CNTNAP2: variants seen among roughly 807,000 people sequenced by gnomAD.
CNTNAP2 encodes the protein contactin-associated protein-like 2.
A neutral mutation model predicts 155.2 loss-of-function variants in CNTNAP2; 98 were observed. That is an observed-to-expected ratio of 0.63 (90% CI 0.54 to 0.75). CNTNAP2 has a LOEUF of 0.75. Among genes scored for constraint, CNTNAP2 ranks in the 30% least tolerant of loss-of-function variants. The pLI is 0.00. For missense variants in CNTNAP2, 1,727 were observed against 1,688.1 expected (o/e 1.02, Z -0.40); for synonymous variants, 651 against 631.2 (o/e 1.03, Z -0.47).
In CNTNAP2 at chr7:147,395,650, C is replaced by T. The variant is rs1395023503; in HGVS notation, c.1540C>T (p.Gln514Ter). The T allele has an allele frequency of 6.2e-7, 1 of 1,612,364 alleles. No homozygotes were observed. The highest frequency in any genetic ancestry group is 8.5e-7 in the Non-Finnish European group (1 of 1,178,776). The change falls in exon 10 of 24, where the codon CAG becomes TAG. Residue 514 changes from glutamine (Q) to a stop codon, truncating the protein, a stop_gained. Transcript: ENST00000361727. LOFTEE classifies it high-confidence loss of function. ...QMNNSSHSVL[Q>*]PSFQGCMQLI... ...GAATAACTCAAGTCACTCTGTCCTTCAGCCTTCATTCCAAGGATGCATGCA... is the reference window on the plus strand; with the variant it reads ...GAATAACTCAAGTCACTCTGTCCTTTAGCCTTCATTCCAAGGATGCATGCA...
chr7:147,608,067 C>T lies in CNTNAP2; in HGVS notation c.1898-31039C>T, dbSNP rs1476559274. 3.9e-5 allele frequency among the ~76,000 whole-genome samples: 6 copies of T among 152,162 alleles called. No individual in the cohort carries two copies. In the South Asian group the frequency reaches 8.3e-4, roughly 21 times the overall value. ...GCATAAAATTTGTTATTCATCTTCA[C>T]GTGCTTAAGGCCTAGAACAGTGCTT... On this transcript the variant is annotated intron_variant, in intron 12 of 23. Transcript: ENST00000361727.
chr7:148,167,020 A>G (rs1189299774), intron 17 of CNTNAP2, among the ~76,000 whole-genome samples: 1 of 152,232 alleles, frequency 6.6e-6, no homozygotes, highest in Non-Finnish European at 1.5e-5. Flanking sequence ...CATTTAAATA[A>G]ATCAGGGACT....
intron 1 of CNTNAP2, among the ~76,000 whole-genome samples, chr7:146,388,639 T>G (rs1201271201): frequency 2.6e-5 from 4 of 152,120 alleles, no homozygotes; most frequent in African/African-American, 9.7e-5. Context: ...TATTTAAAAA[T>G]GTACATTTAG....
At chr7:147,964,963 A>G (rs1801180143) in intron 14 of CNTNAP2, among the ~76,000 whole-genome samples, 2 of 152,224 alleles carry the variant, frequency 1.3e-5, no homozygotes, top group Non-Finnish European at 2.9e-5. Context: ...CCTCACTGTG[A>G]AATTATCTAG....
intron 13 of CNTNAP2, chr7:147,897,199 T>C (rs887602523): frequency 3.3e-5 from 5 of 152,232 alleles, no homozygotes; most frequent in Non-Finnish European, 7.3e-5. Context: ...TTACAAAGAA[T>C]ACTGGGCCAC....
chr7:147,918,675 AC>A (rs1458989564), intron 14 of CNTNAP2, among the ~76,000 whole-genome samples: 11 of 152,104 alleles, frequency 7.2e-5, no homozygotes, highest in Admixed American at 2.6e-4. Context: ...TTTCATCAGG[AC>A]TAGAGGAGGA....
At chr7:146,760,824 AATATAG>A (rs1563219798) in intron 1 of CNTNAP2, among the ~76,000 whole-genome samples, 1 of 152,122 alleles carries the variant, frequency 6.6e-6, no homozygotes, top group Non-Finnish European at 1.5e-5. Flanking sequence ...TTTCTTCTAA[AATATAG>A]ATATAACCAT....
At chr7:146,619,044 A>G (rs1249815606) in intron 1 of CNTNAP2, among the ~76,000 whole-genome samples, 1 of 151,780 alleles carries the variant, frequency 6.6e-6, no homozygotes, top group Non-Finnish European at 1.5e-5. Context: ...ATTGCACTCC[A>G]GCCTGGAGGA....
chr7:146,394,397 A>G (rs576100270), intron 1 of CNTNAP2, among the ~76,000 whole-genome samples: 72 of 152,252 alleles, frequency 4.7e-4, no homozygotes, highest in African/African-American at 1.7e-3. Flanking sequence ...GCAAGGAAGA[A>G]TCTCAGTCTA....
Position 147,380,607 on chromosome 7 carries a change from G to A in CNTNAP2, c.1499-15002G>A, listed in dbSNP as rs111316458. Among the ~76,000 whole-genome samples the A allele has an allele frequency of 1.8e-3, 280 of 152,078 alleles. 1 individual carries two copies. Among genetic ancestry groups the A allele is most frequent in the African/African-American group, 6.5e-3 (268 of 41,534 alleles). Reference sequence around the variant, plus strand: ...GCAGAAAAATGTTAAGGTGACAAAGGCAAGAGCCCACGCTACACAAAGCAT... The same window carrying A: ...GCAGAAAAATGTTAAGGTGACAAAGACAAGAGCCCACGCTACACAAAGCAT... On this transcript the variant is annotated intron_variant, in intron 9 of 23. Coordinates refer to ENST00000361727, the MANE Select transcript of CNTNAP2 (RefSeq NM_014141.6).
At chr7:147,851,334 C>T (rs1357677019) in intron 13 of CNTNAP2, among the ~76,000 whole-genome samples, 1 of 152,122 alleles carries the variant, frequency 6.6e-6, no homozygotes, top group Non-Finnish European at 1.5e-5. Context: ...GGACTGTAAA[C>T]TAATTCAACC....
In CNTNAP2 at chr7:147,677,070, ATT is replaced by A. The variant is rs35432022; in HGVS notation, c.2098+37776_2098+37777del. 4.6e-3 allele frequency among the ~76,000 whole-genome samples: 685 copies of A among 148,030 alleles called. 9 individuals carry two copies. Among genetic ancestry groups the A allele is most frequent in the African/African-American group, 0.014 (567 of 40,470 alleles). On this transcript the variant is annotated intron_variant, in intron 13 of 23. Transcript: ENST00000361727. ...ATCACTTAGGAGTTCTGTTTCATTA[ATT>A]TTTTTTTTTTTGAGGAACCTCCATA... is the stretch of plus-strand genomic sequence containing the variant.
At chr7:148,264,023 A>C (rs1423195057) in intron 20 of CNTNAP2, among the ~76,000 whole-genome samples, 1 of 152,178 alleles carries the variant, frequency 6.6e-6, no homozygotes, top group Non-Finnish European at 1.5e-5. Flanking sequence ...TCGCGACTTT[A>C]AAAGTTGCAT....
At chr7:148,133,072 T>G (rs1183284296) in intron 16 of CNTNAP2, among the ~76,000 whole-genome samples, 1 of 152,152 alleles carries the variant, frequency 6.6e-6, no homozygotes, top group Non-Finnish European at 1.5e-5. Context: ...GATAAGGTCA[T>G]AAGAGAGTTA....
chr7:147,566,600 A>G (rs149993949), intron 12 of CNTNAP2, among the ~76,000 whole-genome samples: 53 of 152,246 alleles, frequency 3.5e-4, no homozygotes, highest in Middle Eastern at 3.4e-3. Context: ...AGGAGAGAGC[A>G]TGTGAAGGCA....
intron 8 of CNTNAP2, among the ~76,000 whole-genome samples, chr7:147,174,776 G>T (rs1347196609): frequency 1.3e-5 from 2 of 152,008 alleles, no homozygotes; most frequent in Admixed American, 6.6e-5. Context: ...AATTAATATT[G>T]TATTTTTATT....
chr7:147,624,710 A>G (rs1365803685), intron 12 of CNTNAP2, among the ~76,000 whole-genome samples: 2 of 152,166 alleles, frequency 1.3e-5, no homozygotes, highest in Non-Finnish European at 1.5e-5. Flanking sequence ...TTCCTTGAGA[A>G]GCTGAAAATA....
Position 146,287,709 on chromosome 7 carries a change from A to C in CNTNAP2, c.97+170736A>C, listed in dbSNP as rs143836460. ...ATTATATTTAGATATATTTGAGCGCATAGAGTTGATATGACAAGATTCTCA... is the reference window on the plus strand; with the variant it reads ...ATTATATTTAGATATATTTGAGCGCCTAGAGTTGATATGACAAGATTCTCA... On this transcript the variant is annotated intron_variant, in intron 1 of 23. Transcript: ENST00000361727. 6.8e-4 allele frequency among the ~76,000 whole-genome samples: 104 copies of C among 152,316 alleles called. 2 individuals are homozygous for C. Among genetic ancestry groups the C allele is most frequent in the African/African-American group, 2.4e-3 (99 of 41,578 alleles).
At chr7:148,401,734 G>A (rs1053598755) in intron 22 of CNTNAP2, among the ~76,000 whole-genome samples, 3 of 151,984 alleles carry the variant, frequency 2.0e-5, no homozygotes, top group Non-Finnish European at 2.9e-5. Context: ...GAGTAGCTAG[G>A]ACTACAGGCA....
Sources: gnomAD v4.1 joint callset for allele counts (sites outside exome capture counted in the v4.1 genomes callset) on GRCh38, gnomAD v4.1.1 for gene constraint, MANE v1.5 for transcripts, NCBI Gene and HGNC (gene_info 2026-07-23, HGNC 2026-07-21) for gene names.